MMEL1: variants seen among roughly 807,000 people sequenced by gnomAD.
The protein encoded by MMEL1 is membrane metalloendopeptidase like 1, also known as membrane metallo-endopeptidase-like 1.
MMEL1 carries 98 observed loss-of-function variants against 117.1 expected under a neutral mutation model. That is an observed-to-expected ratio of 0.84 (90% CI 0.71 to 0.99). The LOEUF (loss-of-function observed/expected upper bound fraction) is 0.99. Ranked by LOEUF, MMEL1 falls within the 50% of genes least tolerant of loss-of-function variation. MMEL1 has a pLI of 0.00. For synonymous variants in MMEL1, 390 were observed against 415.1 expected, an observed-to-expected ratio of 0.94 and a Z score of 0.74; for missense variants, 1,014 against 1,049.1, an observed-to-expected ratio of 0.97 and a Z score of 0.46.
rs566787868 is a variant in MMEL1 at position 2,590,901 on chromosome 1, C to T, written c.*89G>A. 16 of 1,073,506 alleles carry T rather than the reference C, an allele frequency of 1.5e-5. No individual in the cohort carries two copies. The East Asian group carries it at 1.9e-4, about 13-fold the overall frequency. The allele number at this position is 1,073,506 out of a possible 1,614,324, so 66.5% of individuals were successfully genotyped here. A position where few individuals can be genotyped will look rare whatever the true frequency, so the allele number is the denominator to read the frequency against. On this transcript the variant is annotated 3_prime_UTR_variant, in exon 24 of 24. Coordinates refer to ENST00000378412, the MANE Select transcript of MMEL1 (RefSeq NM_033467.4). Reference sequence around the variant, plus strand: ...CTTGGCATGGTTGGCCGGGGCGGGACGTACACTGGGTCGCCGCTAGCTGCA... The same window carrying T: ...CTTGGCATGGTTGGCCGGGGCGGGATGTACACTGGGTCGCCGCTAGCTGCA...
intron 6 of MMEL1, 121 bp downstream of exon 6, chr1:2,609,218 C>T (rs1645085428): frequency 1.1e-6 from 1 of 942,380 alleles, no homozygotes; most frequent in Admixed American, 2.2e-5. Flanking sequence ...TGGCATGAGT[C>T]CTAAAGGCAC....
chr1:2,611,670 C>T (rs770411449), intron 3 of MMEL1, among the ~76,000 whole-genome samples: 14 of 152,160 alleles, frequency 9.2e-5, no homozygotes, highest in Non-Finnish European at 1.8e-4. Context: ...TGTCCTTGAC[C>T]GCTGCAGGGA....
intron 1 of MMEL1, among the ~76,000 whole-genome samples, chr1:2,630,495 CGT>C (rs1463263498): frequency 1.3e-5 from 2 of 150,708 alleles, no homozygotes; most frequent in Non-Finnish European, 3.0e-5. Context: ...CACGTGTGTG[CGT>C]GTGCTCTCGT....
At position 2,590,710 on chromosome 1, in the gene MMEL1, G is replaced by T. The variant is rs891922165; in HGVS notation, c.*280C>A. ...GGAAGACAATGCACCTTGGAGGGTGGGCAGGACACAGTTGATTGTCTCTAC... is the reference window on the plus strand; with the variant it reads ...GGAAGACAATGCACCTTGGAGGGTGTGCAGGACACAGTTGATTGTCTCTAC... On this transcript the variant is annotated 3_prime_UTR_variant, in exon 24 of 24. Transcript: ENST00000378412. The T allele has an allele frequency of 4.5e-5, 17 of 379,908 alleles. No homozygotes were observed. The highest frequency in any genetic ancestry group is 7.0e-5 in the Non-Finnish European group (15 of 214,122). 23.5% of individuals were successfully genotyped at this position (379,908 alleles called of 1,614,324 possible). A position where few individuals can be genotyped will look rare whatever the true frequency, so the allele number is the denominator to read the frequency against.
At chr1:2,613,977 G>A (rs538711128) in intron 2 of MMEL1, among the ~76,000 whole-genome samples, 1 of 152,078 alleles carries the variant, frequency 6.6e-6, no homozygotes, top group East Asian at 1.9e-4. Flanking sequence ...GTAGTTGCCA[G>A]GAGTTTGGGA....
chr1:2,628,878 T>TGGC (rs1302620166), intron 2 of MMEL1, among the ~76,000 whole-genome samples: 1 of 145,758 alleles, frequency 6.9e-6, no homozygotes, highest in African/African-American at 2.5e-5. Context: ...CTCCGCAGGA[T>TGGC]GGCAGCGGGG....
Position 2,606,339 on chromosome 1 carries a change from A to C in MMEL1, c.659T>G (p.Leu220Arg). The change falls in exon 8 of 24, where the codon CTG (leucine) becomes CGG (arginine). Residue 220 changes from leucine (L) to arginine (R), a missense_variant. Leu to Arg is a moderately radical substitution (Grantham distance 102, BLOSUM62 -2). Coordinates refer to ENST00000378412, the MANE Select transcript of MMEL1 (RefSeq NM_033467.4). ...VGLEWELERQ[L>R]ALMNSQFNRR... is the part of the protein sequence containing the mutation. ...GTTGAACTGTGAGTTCATCAGCGCCAGCTGCCGCTCCAGCTCCCACTCGAG... is the reference window on the plus strand; with the variant it reads ...GTTGAACTGTGAGTTCATCAGCGCCCGCTGCCGCTCCAGCTCCCACTCGAG... 2 of 1,611,202 alleles carry C rather than the reference A, an allele frequency of 1.2e-6. No individual in the cohort carries two copies. The highest frequency in any genetic ancestry group is 1.7e-6 in the Non-Finnish European group (2 of 1,179,592).
intron 6 of MMEL1, among the ~76,000 whole-genome samples, chr1:2,607,511 G>T (rs1557539841): frequency 6.6e-6 from 1 of 152,102 alleles, no homozygotes; most frequent in Non-Finnish European, 1.5e-5. Flanking sequence ...GAGCCCTGGG[G>T]CCTGTGTGTG....
intron 23 of MMEL1, 56 bp downstream of exon 23, chr1:2,591,501 G>A: frequency 1.4e-6 from 2 of 1,394,432 alleles, no homozygotes; most frequent in Non-Finnish European, 2.0e-6. Context: ...CAGGCCACTG[G>A]GGTGGGGGTG....
At chr1:2,600,533 T>C (rs1005881580) in intron 11 of MMEL1, among the ~76,000 whole-genome samples, 40 of 94,320 alleles carry the variant, frequency 4.2e-4, no homozygotes, top group African/African-American at 1.2e-3. Context: ...ACCCTGTTTC[T>C]GGGAAAAAAA....
intron 2 of MMEL1, among the ~76,000 whole-genome samples, chr1:2,626,037 T>C (rs895454835): frequency 2.0e-5 from 3 of 152,134 alleles, no homozygotes; most frequent in Non-Finnish European, 4.4e-5. Context: ...TTCCAGGACA[T>C]CCATGAAGGA....
chr1:2,613,841 A>C (rs1354814316), intron 2 of MMEL1, among the ~76,000 whole-genome samples: 2 of 152,094 alleles, frequency 1.3e-5, no homozygotes, highest in Non-Finnish European at 2.9e-5. Flanking sequence ...ACAGAGTGAG[A>C]CCCTGTCTCA....
intron 14 of MMEL1, 45 bp from the exon 15 acceptor site, chr1:2,596,152 G>A (rs778090113): frequency 3.2e-6 from 5 of 1,547,282 alleles, no homozygotes. Context: ...CATCTGGAGG[G>A]CGAATGACCA....
At chr1:2,599,046 CA>C (rs1185104545) in intron 11 of MMEL1, among the ~76,000 whole-genome samples, 2 of 151,760 alleles carry the variant, frequency 1.3e-5, no homozygotes, top group Non-Finnish European at 1.5e-5. Context: ...GCAAAAATGA[CA>C]AAAAAAGAAA....
At chr1:2,600,724 T>TG (rs1185073019) in intron 11 of MMEL1, among the ~76,000 whole-genome samples, 49 of 149,280 alleles carry the variant, frequency 3.3e-4, no homozygotes, top group African/African-American at 1.0e-3. Flanking sequence ...ACCCCCCTGT[T>TG]TTTTTACAAA....
intron 22 of MMEL1, 38 bp from the exon 23 acceptor site, chr1:2,591,671 G>A (rs747164682): frequency 6.5e-7 from 1 of 1,545,380 alleles, no homozygotes; most frequent in Non-Finnish European, 8.9e-7. Context: ...AGGTGGCGTG[G>A]TGGGGTGGCC....
intron 6 of MMEL1, among the ~76,000 whole-genome samples, chr1:2,609,034 TACACACACACACACACACACACACACAC>T (rs70956312): frequency 6.9e-6 from 1 of 144,670 alleles, no homozygotes; most frequent in South Asian, 2.3e-4. Context: ...ATCCATATAA[TACACACACACACACACACACACACACAC>T]ACACACACAC....
rs1644823557 is a variant in MMEL1 at position 2,595,623 on chromosome 1, G to A, written c.1501-264C>T. ...CAGCCCGCCAGGGGTCCGGGTGGGG[G>A]CAGGGGCCCTGGAGGGGTCACTCGG... is the stretch of plus-strand genomic sequence containing the variant. On this transcript the variant is annotated intron_variant, in intron 15 of 23. Coordinates refer to ENST00000378412, the MANE Select transcript of MMEL1 (RefSeq NM_033467.4). This position sits in a 1 kb window ranked among gnomAD's most constrained non-coding sequence, Gnocchi z 4.8. Among the ~76,000 whole-genome samples, 1 of 152,114 alleles carries A rather than the reference G, an allele frequency of 6.6e-6. No homozygotes were observed. Among genetic ancestry groups the A allele is most frequent in the Non-Finnish European group, 1.5e-5 (1 of 68,004 alleles).
intron 21 of MMEL1, among the ~76,000 whole-genome samples, 175 bp from the exon 22 acceptor site, chr1:2,592,202 G>T (rs1043368083): frequency 7.7e-6 from 1 of 130,606 alleles, no homozygotes; most frequent in African/African-American, 3.3e-5. Context: ...GTCACTCAGG[G>T]ACCCCTGAGC....
Sources: allele counts gnomAD v4.1 joint callset (sites outside exome capture counted in the v4.1 genomes callset), GRCh38; gene constraint gnomAD v4.1.1; non-coding constraint Gnocchi (gnomAD v3.1); transcripts MANE v1.5; gene names NCBI Gene and HGNC (gene_info 2026-07-23, HGNC 2026-07-21).